ABCA2: variants seen among roughly 807,000 people sequenced by gnomAD.
ABCA2 encodes ATP binding cassette subfamily A member 2, also known as ATP-binding cassette sub-family A member 2.
In ABCA2, 84 loss-of-function variants were observed where a neutral mutation model predicts 262.8. That is an observed-to-expected ratio of 0.32 (90% CI 0.27 to 0.38). The LOEUF is 0.38. ABCA2 is among the 10% of genes least tolerant of loss of function. The pLI is 1.00. For missense variants in ABCA2, 2,662 were observed against 3,405.9 expected (o/e 0.78, Z 5.44); for synonymous variants, 1,696 against 1,502.9 (o/e 1.13, Z -2.97).
Position 137,009,077 on chromosome 9 carries a change from G to C in ABCA2, c.6828-24C>G, listed in dbSNP as rs369849983. The C allele has an allele frequency of 1.9e-6, 3 of 1,595,684 alleles. No individual in the cohort carries two copies. In the Admixed American group the frequency reaches 5.0e-5, roughly 27 times the overall value. On this transcript the variant is annotated intron_variant, in intron 45 of 48. Transcript: ENST00000341511. ...ACCTGGTGGGACAGGCCGGTGGCCCGGAGCCCTGCGCCGCCCAGCCAGAGC... is the reference window on the plus strand; with the variant it reads ...ACCTGGTGGGACAGGCCGGTGGCCCCGAGCCCTGCGCCGCCCAGCCAGAGC...
chr9:137,009,419 C>A lies in ABCA2; in HGVS notation c.6778G>T (p.Val2260Leu). 1 of 1,606,142 alleles carries A rather than the reference C, an allele frequency of 6.2e-7. No individual in the cohort carries two copies. ...EALCTRLAIM[V>L]NGRLRCLGSI... ...CCCAGGCACCGCAGGCGACCGTTCA[C>A]CATGATGGCCAGCCGCGTGCACAGC... is the stretch of plus-strand genomic sequence containing the variant. Residue 2260 changes from valine to leucine, a missense_variant, in exon 45 of 49, where the codon GTG (valine) becomes TTG (leucine). Val to Leu is a conservative substitution (Grantham distance 32). This residue lies in a region of ABCA2 where 602 missense variants were observed against 897.4 expected (regional missense o/e 0.67). Transcript: ENST00000341511.
chr9:137,019,402 G>C lies in ABCA2; in HGVS notation c.1426-96C>G. The stretch of plus-strand genomic sequence containing the variant: ...TCACCTCCCCAGTGGCTGGTCCATT[G>C]CCAACAACTAACCCTCCCCACCTTT... On this transcript the variant is annotated intron_variant, in intron 10 of 48. Transcript: ENST00000341511. This position sits in a 1 kb window ranked among gnomAD's most constrained non-coding sequence, Gnocchi z 4.4. 1 of 1,422,166 alleles carries C rather than the reference G, an allele frequency of 7.0e-7. No homozygotes were observed. The highest frequency in any genetic ancestry group is 9.5e-7 in the Non-Finnish European group (1 of 1,050,000). The allele number at this position is 1,422,166 out of a possible 1,614,324, so 88.1% of individuals were successfully genotyped here.
rs377337924 is a variant in ABCA2, at chr9:137,011,936, C to T, written c.5443G>A (p.Val1815Met). 1.2e-6 allele frequency: 2 copies of T among 1,612,528 alleles called. No individual in the cohort carries two copies. The highest frequency in any genetic ancestry group is 2.2e-5 in the East Asian group (1 of 44,884). ...FVPASFVVFL[V>M]AEKSTKAKHL... is the part of the protein sequence containing the mutation. ...TTGGCCTTGGTGGACTTCTCGGCCA[C>T]GAGGAAGACAACGAAGCTGGCCGGC... Residue 1815 changes from valine to methionine, a missense_variant, in exon 35 of 49, where the codon GTG (valine) becomes ATG (methionine). This residue lies in a region of ABCA2 where 602 missense variants were observed against 897.4 expected (regional missense o/e 0.67). Transcript: ENST00000341511. The surrounding 1 kb of genome is among the most constrained non-coding windows in gnomAD (Gnocchi z 8.8).
In ABCA2 at chr9:137,014,902, C is replaced by T. The variant is rs369111975; in HGVS notation, c.3882+11G>A. 65 of 1,575,746 alleles carry T rather than the reference C, an allele frequency of 4.1e-5. No homozygotes were observed. The highest frequency in any genetic ancestry group is 9.4e-5 in the African/African-American group (7 of 74,448). ...ACCTGCAACTGCCCCCCGACCCGTG[C>T]GCCCTCACACCTGGAAGAGGCGCTC... On this transcript the variant is annotated intron_variant, in intron 25 of 48. Coordinates refer to ENST00000341511, the MANE Select transcript of ABCA2 (RefSeq NM_001606.5).
intron 45 of ABCA2, 133 bp downstream of exon 45, chr9:137,009,222 ACTGCCCCAGTCCCCC>A: frequency 1.5e-5 from 5 of 336,654 alleles, no homozygotes; most frequent in Non-Finnish European, 2.4e-5. Context: ...CCCTGGCCCC[ACTGCCCCAGTCCCCC>A]CAGCCCCAGT....
chr9:137,015,927 G>GCC, intron 22 of ABCA2, 35 bp downstream of exon 22: 1 of 1,559,444 alleles, frequency 6.4e-7, no homozygotes, highest in Admixed American at 1.8e-5. Flanking sequence ...CAGGGCCTCC[G>GCC]CCCACCTGCC....
Position 137,007,660 on chromosome 9 carries a change from G to A in ABCA2, c.*269C>T, listed in dbSNP as rs549122520. On this transcript the variant is annotated 3_prime_UTR_variant, in exon 49 of 49. Coordinates refer to ENST00000341511, the MANE Select transcript of ABCA2 (RefSeq NM_001606.5). ...GAGCAGTGCCAGGCAGGGGCGAGGG[G>A]CCGGGCAGACCCCGAGGCTTTAAGG... 98 of 558,744 alleles carry A rather than the reference G, an allele frequency of 1.8e-4. 1 individual carries two copies. The South Asian group carries it at 1.9e-3, about 11-fold the overall frequency. The allele number at this position is 558,744 out of a possible 1,614,324, so 34.6% of individuals were successfully genotyped here.
upstream of ABCA2, chr9:137,028,888 G>T (rs1203186492): frequency 7.6e-7 from 1 of 1,321,062 alleles, no homozygotes; most frequent in Non-Finnish European, 1.0e-6. The surrounding 1 kb of genome is among the most constrained non-coding windows in gnomAD (Gnocchi z 6.9). Flanking sequence ...GGCGAGTCTG[G>T]TCTCTGCACA....
At chr9:137,026,290 G>A (rs1162362527) in intron 1 of ABCA2, among the ~76,000 whole-genome samples, 1 of 152,214 alleles carries the variant, frequency 6.6e-6, no homozygotes, top group Non-Finnish European at 1.5e-5. Context: ...TCTGCCCAGG[G>A]TGGAGCTCTG....
Position 137,011,576 on chromosome 9 carries a change from T to C in ABCA2, c.5652-22A>G. The C allele has an allele frequency of 2.6e-6, 4 of 1,564,920 alleles. No individual in the cohort carries two copies. The highest frequency in any genetic ancestry group is 3.5e-6 in the Non-Finnish European group (4 of 1,155,126). Reference sequence around the variant, plus strand: ...CCACCTGCGGGCAGGTGGCGGGCAGTGGTCACCAGGCAGCCCCGGTCCCAC... The same window carrying C: ...CCACCTGCGGGCAGGTGGCGGGCAGCGGTCACCAGGCAGCCCCGGTCCCAC... On this transcript the variant is annotated intron_variant, in intron 36 of 48. Transcript: ENST00000341511. This position sits in a 1 kb window ranked among gnomAD's most constrained non-coding sequence, Gnocchi z 8.8.
In ABCA2 at chr9:137,017,908, G is replaced by A; in HGVS notation, c.2097-7C>T. The A allele has an allele frequency of 6.2e-7, 1 of 1,612,438 alleles. No individual in the cohort carries two copies. On this transcript the variant is annotated splice_polypyrimidine_tract_variant and splice_region_variant and intron_variant, in intron 15 of 48. Transcript: ENST00000341511. ...CTCAATGACAAACAGGAAGCTGCGG[G>A]GAGGCCGCGCTCAGGCGCCACTCAG...
Position 137,015,633 on chromosome 9 carries a change from G to A in ABCA2, c.3515-37C>T, listed in dbSNP as rs371511402. The A allele has an allele frequency of 1.9e-6, 3 of 1,611,204 alleles. No homozygotes were observed. In the African/African-American group the frequency reaches 4.0e-5, roughly 22 times the overall value. Reference sequence around the variant, plus strand: ...CCAGACCCAGGGTCAGGGGGCAGGGGAGGCGCCGCCCGCACCCCTGCCCAC... The same window carrying A: ...CCAGACCCAGGGTCAGGGGGCAGGGAAGGCGCCGCCCGCACCCCTGCCCAC... On this transcript the variant is annotated intron_variant, in intron 23 of 48. Coordinates refer to ENST00000341511, the MANE Select transcript of ABCA2 (RefSeq NM_001606.5).
At position 137,017,599 on chromosome 9, in the gene ABCA2, T is replaced by A. The variant is rs1251909418; in HGVS notation, c.2305A>T (p.Thr769Ser). The A allele has an allele frequency of 6.2e-7, 1 of 1,612,742 alleles. No individual in the cohort carries two copies. The highest frequency in any genetic ancestry group is 1.3e-5 in the African/African-American group (1 of 75,052). Residue 769 changes from threonine to serine, a missense_variant, in exon 17 of 49, where the codon ACC (threonine) becomes TCC (serine). Transcript: ENST00000341511. The stretch of plus-strand genomic sequence containing the variant: ...ACCTGGCCGTACTTCAGGATGGCGG[T>A]GAGTGCTGTCACGGAGATGGACAGC... Reference protein sequence around the residue: ...VQLSISVTALTAILKYGQVLM... With the variant: ...VQLSISVTALSAILKYGQVLM...
At chr9:137,018,598 G>A (rs1227065772) in intron 13 of ABCA2, 121 bp downstream of exon 13, 11 of 792,010 alleles carry the variant, frequency 1.4e-5, no homozygotes, top group Admixed American at 7.2e-5. Flanking sequence ...GGGAAGTGGC[G>A]GGTGAGGGGG....
Position 137,015,822 on chromosome 9 carries a change from T to C in ABCA2, c.3367A>G (p.Thr1123Ala), listed in dbSNP as rs1831238679. The C allele has an allele frequency of 6.2e-7, 1 of 1,612,104 alleles. No individual in the cohort carries two copies. Among genetic ancestry groups the C allele is most frequent in the Non-Finnish European group, 8.5e-7 (1 of 1,179,618 alleles). Residue 1123 changes from threonine (T) to alanine (A), a missense_variant, in exon 23 of 49, where the codon ACA (threonine) becomes GCA (alanine). Physicochemically the swap from Thr to Ala is moderately conservative, Grantham distance 58. Coordinates refer to ENST00000341511, the MANE Select transcript of ABCA2 (RefSeq NM_001606.5). ...LSNKRHSLVQ[T>A]LSGGMKRKLS... The stretch of plus-strand genomic sequence containing the variant: ...TTGCGCTTCATGCCACCCGACAATG[T>C]CTGCACCAGTGAGTGCCGTTTGTTG...
Position 137,028,154 on chromosome 9 carries a change from T to C in ABCA2, c.-14A>G, listed in dbSNP as rs1051200694. 4.1e-6 allele frequency: 4 copies of C among 981,322 alleles called. No homozygotes were observed. The highest frequency in any genetic ancestry group is 4.8e-6 in the Non-Finnish European group (4 of 828,438). 60.8% of individuals were successfully genotyped at this position (981,322 alleles called of 1,614,324 possible). On this transcript the variant is annotated 5_prime_UTR_variant, in exon 1 of 49. Coordinates refer to ENST00000341511, the MANE Select transcript of ABCA2 (RefSeq NM_001606.5). The surrounding 1 kb of genome is among the most constrained non-coding windows in gnomAD (Gnocchi z 6.9). ...CAGGAAGCCCATGGCGGGGCCACGC[T>C]CCGCCGCCTCAGCGCCGCGGCCCGC...
In ABCA2 at chr9:137,016,335, C is replaced by G; in HGVS notation, c.3060G>C (p.Val1020=). The G allele has an allele frequency of 6.2e-7, 1 of 1,612,888 alleles. No individual in the cohort carries two copies. The highest frequency in any genetic ancestry group is 8.5e-7 in the Non-Finnish European group (1 of 1,179,988). ...KLSLNLYENQ[V]VSFLGHNGAG... is the part of the protein sequence containing the mutation. ...CCCCGTTGTGGCCCAAGAAGGAGAC[C>G]ACCTGGTTCTCGTAGAGGTTCAGGC... The change falls in exon 21 of 49, where the codon GTG becomes GTC. Residue 1020 remains valine (V), a synonymous_variant. Coordinates refer to ENST00000341511, the MANE Select transcript of ABCA2 (RefSeq NM_001606.5).
Position 137,015,946 on chromosome 9 carries a change from C to CGGGGGGGGGGGGGGGGGGGGGGGGGG in ABCA2, c.3317+15_3317+16insCCCCCCCCCCCCCCCCCCCCCCCCCC. 1 of 484,328 alleles carries CGGGGGGGGGGGGGGGGGGGGGGGGGG rather than the reference C, an allele frequency of 2.1e-6. No homozygotes were observed. 30.0% of individuals were successfully genotyped at this position (484,328 alleles called of 1,614,324 possible). On this transcript the variant is annotated intron_variant, in intron 22 of 48. Transcript: ENST00000341511. ...GCCTCCGCCCACCTGCCCCGCCCCC[C>CGGGGGGGGGGGGGGGGGGGGGGGGGG]GCCCAGCCCACCCACTTGTCCATCT... is the stretch of plus-strand genomic sequence containing the variant.
intron 42 of ABCA2, 37 bp downstream of exon 42, chr9:137,009,946 G>A (rs2131428448): frequency 1.3e-6 from 2 of 1,597,456 alleles, no homozygotes; most frequent in South Asian, 2.2e-5. Flanking sequence ...GGGCCACCCA[G>A]CGTGCTGACT....
Sources: gnomAD v4.1 joint callset for allele counts (sites outside exome capture counted in the v4.1 genomes callset) on GRCh38, gnomAD v4.1.1 for gene constraint, gnomAD v4.1.1 regional missense constraint, Gnocchi (gnomAD v3.1) non-coding constraint, MANE v1.5 for transcripts, NCBI Gene and HGNC (gene_info 2026-07-23, HGNC 2026-07-21) for gene names.